Variants in ADARB1 observed in about 807,000 individuals in gnomAD.
ADARB1 encodes adenosine deaminase RNA specific B1.
Under a neutral mutation model 52.4 loss-of-function variants are expected in ADARB1, and 10 were observed. That is an observed-to-expected ratio of 0.19 (90% confidence interval 0.12 to 0.32). The LOEUF (loss-of-function observed/expected upper bound fraction) is 0.32, where lower values mean the gene tolerates loss of function less well. Among genes scored for constraint, ADARB1 ranks in the 10% least tolerant of loss-of-function variants. The pLI, the probability that ADARB1 is intolerant of heterozygous loss-of-function variation, is 1.00. For missense variants in ADARB1, 643 were observed against 922.3 expected (o/e 0.70, Z 3.92); for synonymous variants, 349 against 371.1 (o/e 0.94, Z 0.68).
At chr21:45,209,515 G>T (rs1226001397) in intron 9 of ADARB1, among the ~76,000 whole-genome samples, 1 of 152,188 alleles carries the variant, frequency 6.6e-6, no homozygotes, top group Non-Finnish European at 1.5e-5. Flanking sequence ...GCCCTTGCCT[G>T]TGTGCCAGGT....
At chr21:45,099,081 G>C (rs1193738110) in intron 1 of ADARB1, among the ~76,000 whole-genome samples, 2 of 152,182 alleles carry the variant, frequency 1.3e-5, no homozygotes, top group African/African-American at 2.4e-5. Context: ...CTTTAGAGGT[G>C]ACATGTGATA....
chr21:45,221,029 T>C lies in ADARB1; in HGVS notation c.1926+15T>C. The C allele has an allele frequency of 6.3e-7, 1 of 1,595,164 alleles. No homozygotes were observed. The highest frequency in any genetic ancestry group is 2.3e-5 in the East Asian group (1 of 44,296). The stretch of plus-strand genomic sequence containing the variant: ...TGCACGGCAAGGTACTGAGGCGCCC[T>C]CACCGCAATGCGCCGGCTCCACCTC... On this transcript the variant is annotated intron_variant, in intron 10 of 10. Transcript: ENST00000348831. The surrounding 1 kb of genome is among the most constrained non-coding windows in gnomAD (Gnocchi z 4.9).
chr21:45,182,539 A>G (rs748144780), intron 5 of ADARB1, 46 bp from the exon 6 acceptor site: 7 of 1,561,786 alleles, frequency 4.5e-6, no homozygotes, highest in Non-Finnish European at 6.0e-6. Context: ...TTAGGCAAAC[A>G]TTACTGTGAA....
chr21:45,170,969 G>C (rs1307202400), intron 2 of ADARB1, among the ~76,000 whole-genome samples: 1 of 152,184 alleles, frequency 6.6e-6, no homozygotes, highest in Non-Finnish European at 1.5e-5. Context: ...GCAGTCTTGT[G>C]CACTTTAGTT....
rs1363574625 is a variant in ADARB1 at position 45,100,653 on chromosome 21, G to A, written c.-220+25860G>A. The A allele has an allele frequency of 6.6e-5, 10 of 152,368 alleles. No individual in the cohort carries two copies. The East Asian group carries it at 1.9e-3, about 29-fold the overall frequency. 9.4% of individuals were successfully genotyped at this position (152,368 alleles called of 1,614,324 possible). On this transcript the variant is annotated intron_variant, in intron 1 of 10. Transcript: ENST00000348831. ...ATGGAATCCCTGGAGGTGAAACCTC[G>A]GTGTCCGGTTGCTCCAAACCAGTGC... is the stretch of plus-strand genomic sequence containing the variant.
rs2090700176 is a variant in ADARB1 at position 45,157,137 on chromosome 21, G to A, written c.-47-14473G>A. On this transcript the variant is annotated intron_variant, in intron 2 of 10. Transcript: ENST00000348831. The surrounding 1 kb of genome is among the most constrained non-coding windows in gnomAD (Gnocchi z 4.1). ...CTCGCAGCACAAGAAAGACTCTGCTGCCTGGGCAGGAGCTCCTCTCAGCTA... is the reference window on the plus strand; with the variant it reads ...CTCGCAGCACAAGAAAGACTCTGCTACCTGGGCAGGAGCTCCTCTCAGCTA... Among the ~76,000 whole-genome samples, 1 of 152,224 alleles carries A rather than the reference G, an allele frequency of 6.6e-6. No individual in the cohort carries two copies. The highest frequency in any genetic ancestry group is 1.5e-5 in the Non-Finnish European group (1 of 68,046).
Position 45,176,604 on chromosome 21 carries a change from G to A in ADARB1, c.903G>A (p.Leu301=). The A allele has an allele frequency of 6.2e-7, 1 of 1,614,078 alleles. No individual in the cohort carries two copies. The highest frequency in any genetic ancestry group is 8.5e-7 in the Non-Finnish European group (1 of 1,180,004). The change falls in exon 4 of 11, where the codon TTG becomes TTA. Residue 301 remains leucine, a synonymous_variant. Coordinates refer to ENST00000348831, the MANE Select transcript of ADARB1 (RefSeq NM_001112.4). The surrounding 1 kb of genome is among the most constrained non-coding windows in gnomAD (Gnocchi z 5.8). ...TGGCCGCCATTTTTAACTTGCACTT[G>A]GATCAGACGCCATCTCGCCAGCCTA... ...SALAAIFNLH[L]DQTPSRQPIP... is the part of the protein sequence containing the mutation.
intron 2 of ADARB1, among the ~76,000 whole-genome samples, chr21:45,168,344 T>G (rs1193019446): frequency 6.6e-6 from 1 of 152,238 alleles, no homozygotes; most frequent in Non-Finnish European, 1.5e-5. Context: ...TATCAGTTGT[T>G]TCTTTTGTGG....
intron 9 of ADARB1, among the ~76,000 whole-genome samples, chr21:45,210,079 C>A (rs2092737978): frequency 6.6e-6 from 1 of 152,254 alleles, no homozygotes; most frequent in South Asian, 2.1e-4. Context: ...ACGGCTCCGT[C>A]TCTTGCTCTA....
intron 2 of ADARB1, among the ~76,000 whole-genome samples, chr21:45,168,178 G>T (rs1443482357): frequency 1.3e-5 from 2 of 151,574 alleles, no homozygotes; most frequent in South Asian, 2.1e-4. Flanking sequence ...TTTTCTAATT[G>T]GACTATTTGT....
intron 8 of ADARB1, among the ~76,000 whole-genome samples, chr21:45,191,834 T>A (rs2092290184): frequency 7.1e-6 from 1 of 140,668 alleles, no homozygotes; most frequent in African/African-American, 2.7e-5. Flanking sequence ...AACCCAAGAG[T>A]GAAAACATCC....
chr21:45,092,790 A>G (rs977982018), intron 1 of ADARB1, among the ~76,000 whole-genome samples: 5 of 152,246 alleles, frequency 3.3e-5, no homozygotes, highest in Admixed American at 2.6e-4. Flanking sequence ...TTTATAGCTT[A>G]AATCTAACCC....
chr21:45,087,815 A>C (rs962742475), intron 1 of ADARB1, among the ~76,000 whole-genome samples: 6 of 152,250 alleles, frequency 3.9e-5, no homozygotes, highest in Non-Finnish European at 8.8e-5. Flanking sequence ...GGGGGTGGAA[A>C]GGAAAGTGTT....
intron 1 of ADARB1, among the ~76,000 whole-genome samples, chr21:45,086,971 A>T (rs1054846957): frequency 1.3e-5 from 2 of 152,360 alleles, no homozygotes; most frequent in Middle Eastern, 6.8e-3. Context: ...GTATGAGCCT[A>T]CTATAGGATG....
intron 1 of ADARB1, among the ~76,000 whole-genome samples, chr21:45,102,372 G>A (rs943293843): frequency 6.6e-6 from 1 of 152,204 alleles, no homozygotes; most frequent in African/African-American, 2.4e-5. Flanking sequence ...TCAGAAAGAA[G>A]GGGATGGATT....
At chr21:45,122,411 T>C (rs561587888) in intron 1 of ADARB1, among the ~76,000 whole-genome samples, 7 of 152,378 alleles carry the variant, frequency 4.6e-5, no homozygotes, top group East Asian at 1.9e-4. Flanking sequence ...CAGTGGTCCC[T>C]CTTTTCATAG....
rs140368379 is a variant in ADARB1, at chr21:45,191,012, A to G, written c.1565+5921A>G. Reference sequence around the variant, plus strand: ...AGTTTTACAATGGACTGGATACTGTAGCTTCTCAGTTGGTCTCCAGAGTTC... The same window carrying G: ...AGTTTTACAATGGACTGGATACTGTGGCTTCTCAGTTGGTCTCCAGAGTTC... On this transcript the variant is annotated intron_variant, in intron 8 of 10. Coordinates refer to ENST00000348831, the MANE Select transcript of ADARB1 (RefSeq NM_001112.4). Among the ~76,000 whole-genome samples the G allele has an allele frequency of 9.8e-5, 15 of 152,288 alleles. No homozygotes were observed. In the East Asian group the frequency reaches 1.3e-3, roughly 14 times the overall value.
In ADARB1 at chr21:45,169,852, C is replaced by A. The variant is rs549061776; in HGVS notation, c.-47-1758C>A. Among the ~76,000 whole-genome samples the A allele has an allele frequency of 5.3e-5, 8 of 152,304 alleles. No homozygotes were observed. In the East Asian group the frequency reaches 1.2e-3, roughly 22 times the overall value. On this transcript the variant is annotated intron_variant, in intron 2 of 10. Coordinates refer to ENST00000348831, the MANE Select transcript of ADARB1 (RefSeq NM_001112.4). ...TTTCCCGTCTTCGTGATATGCTCAG[C>A]CAGACCCCTTGTCTGAAGCTCAGTT... is the stretch of plus-strand genomic sequence containing the variant.
intron 1 of ADARB1, among the ~76,000 whole-genome samples, chr21:45,120,259 A>G (rs561662352): frequency 6.6e-6 from 1 of 152,304 alleles, no homozygotes; most frequent in East Asian, 1.9e-4. Context: ...CGCACGGACA[A>G]GTTTGCATGT....
Sources: allele counts gnomAD v4.1 joint callset (sites outside exome capture counted in the v4.1 genomes callset), GRCh38; gene constraint gnomAD v4.1.1; non-coding constraint Gnocchi (gnomAD v3.1); transcripts MANE v1.5; gene names NCBI Gene and HGNC (gene_info 2026-07-23, HGNC 2026-07-21).